Variants in NPAS3 observed in about 807,000 individuals in gnomAD.
NPAS3 encodes neuronal PAS domain-containing protein 3.
In NPAS3, 14 loss-of-function variants were observed where a neutral mutation model predicts 73.1. The observed-to-expected ratio is 0.19, with a 90% CI of 0.13 to 0.30. NPAS3 has a LOEUF of 0.30. NPAS3 is among the 10% of genes least tolerant of loss of function. The pLI is 1.00. For synonymous variants in NPAS3, 620 were observed against 541.5 expected, an observed-to-expected ratio of 1.14 and a Z score of -2.01; for missense variants, 1,096 against 1,250.0, an observed-to-expected ratio of 0.88 and a Z score of 1.86.
chr14:33,353,861 T>G (rs118100075), intron 3 of NPAS3, among the ~76,000 whole-genome samples: 2 of 152,096 alleles, frequency 1.3e-5, no homozygotes, highest in East Asian at 3.9e-4. Flanking sequence ...TGGGTTTAGA[T>G]ATATTCAGGC....
chr14:33,547,208 AC>A, intron 4 of NPAS3, among the ~76,000 whole-genome samples: 1 of 152,284 alleles, frequency 6.6e-6, no homozygotes, highest in South Asian at 2.1e-4. Context: ...AGGGGAAGTC[AC>A]TTTTCAGGCT....
chr14:33,565,526 C>A (rs983232911), intron 5 of NPAS3, among the ~76,000 whole-genome samples: 9 of 152,058 alleles, frequency 5.9e-5, no homozygotes, highest in Admixed American at 5.9e-4. Context: ...CTCTTCCATT[C>A]TGTGTTTTTC....
intron 5 of NPAS3, among the ~76,000 whole-genome samples, chr14:33,602,640 C>T (rs1297031616): frequency 6.6e-6 from 1 of 151,952 alleles, no homozygotes; most frequent in African/African-American, 2.4e-5. Flanking sequence ...TTTTTTTCAT[C>T]CAGTGCTTAA....
chr14:33,031,903 G>C (rs544712309), intron 1 of NPAS3, among the ~76,000 whole-genome samples: 1 of 152,168 alleles, frequency 6.6e-6, no homozygotes, highest in African/African-American at 2.4e-5. Flanking sequence ...CTCACAGAGC[G>C]GAATGTAATA....
chr14:33,508,367 G>A (rs967814828), intron 4 of NPAS3, among the ~76,000 whole-genome samples: 12 of 152,018 alleles, frequency 7.9e-5, no homozygotes, highest in African/African-American at 2.7e-4. Flanking sequence ...TCAGCACTAT[G>A]AAGCAGTGAA....
chr14:32,998,922 T>C (rs1481943659), intron 1 of NPAS3, among the ~76,000 whole-genome samples: 2 of 152,128 alleles, frequency 1.3e-5, no homozygotes, highest in Non-Finnish European at 2.9e-5. Flanking sequence ...TCAAAGCCCC[T>C]TCGCACTGTG....
chr14:33,087,509 T>A (rs1480487985), intron 2 of NPAS3, among the ~76,000 whole-genome samples: 1 of 152,042 alleles, frequency 6.6e-6, no homozygotes, highest in African/African-American at 2.4e-5. Context: ...CTATAAAAAA[T>A]AGATTCATGT....
intron 3 of NPAS3, among the ~76,000 whole-genome samples, chr14:33,272,568 C>T (rs2041143255): frequency 6.6e-6 from 1 of 152,072 alleles, no homozygotes; most frequent in Admixed American, 6.6e-5. Context: ...AGGTGTGCAC[C>T]ACCATGCCCA....
chr14:33,151,250 CCTTCTGAGG>C (rs796096982), intron 2 of NPAS3, among the ~76,000 whole-genome samples: 3 of 152,292 alleles, frequency 2.0e-5, no homozygotes, highest in African/African-American at 7.2e-5. Flanking sequence ...CACAAGGAGG[CCTTCTGAGG>C]CCTCGGTTGC....
chr14:33,769,764 T>C (rs1398952833), intron 7 of NPAS3, among the ~76,000 whole-genome samples: 10 of 130,328 alleles, frequency 7.7e-5, no homozygotes, highest in East Asian at 2.3e-4. Context: ...TTCTTTTTTT[T>C]TTTTTTTTTT....
intron 3 of NPAS3, among the ~76,000 whole-genome samples, chr14:33,305,719 A>ACC (rs1459290055): frequency 2.0e-5 from 3 of 152,184 alleles, no homozygotes; most frequent in Admixed American, 6.5e-5. Context: ...TAAATAGTCT[A>ACC]CCAAAGGTTA....
intron 4 of NPAS3, among the ~76,000 whole-genome samples, chr14:33,464,786 T>C (rs904160494): frequency 1.3e-5 from 2 of 152,208 alleles, no homozygotes; most frequent in African/African-American, 2.4e-5. Flanking sequence ...TCCTGTATGA[T>C]GCCAAGTGCA....
At chr14:33,270,080 G>A (rs2041000316) in intron 3 of NPAS3, among the ~76,000 whole-genome samples, 1 of 152,078 alleles carries the variant, frequency 6.6e-6, no homozygotes, top group African/African-American at 2.4e-5. Flanking sequence ...GGGGAGCTCT[G>A]GAGCAGAAAC....
chr14:33,095,931 T>C (rs546618266), intron 2 of NPAS3, among the ~76,000 whole-genome samples: 5 of 151,740 alleles, frequency 3.3e-5, no homozygotes, highest in African/African-American at 1.2e-4. Flanking sequence ...TTCGCCCGCC[T>C]TGGCCTCCCA....
intron 3 of NPAS3, among the ~76,000 whole-genome samples, chr14:33,217,657 A>G (rs2139689348): frequency 6.6e-6 from 1 of 152,332 alleles, no homozygotes; most frequent in South Asian, 2.1e-4. Context: ...CATGGCTACC[A>G]AAGTAGAAAA....
upstream of NPAS3, among the ~76,000 whole-genome samples, chr14:32,935,741 T>A (rs1271479988): frequency 6.6e-6 from 1 of 152,230 alleles, no homozygotes; most frequent in Non-Finnish European, 1.5e-5. Flanking sequence ...GTAATTTGAT[T>A]CAATAAGGAA....
At chr14:33,266,506 A>G (rs1392679172) in intron 3 of NPAS3, among the ~76,000 whole-genome samples, 3 of 152,204 alleles carry the variant, frequency 2.0e-5, no homozygotes, top group African/African-American at 4.8e-5. Context: ...TGCTTCAGGA[A>G]CTTACATAGA....
chr14:33,781,474 A>G (rs1566534618), intron 9 of NPAS3, among the ~76,000 whole-genome samples: 1 of 152,252 alleles, frequency 6.6e-6, no homozygotes, highest in Non-Finnish European at 1.5e-5. Context: ...AAAGGCAAAA[A>G]GCCAGCACAG....
rs745480154 is a variant in NPAS3, at chr14:33,257,220, G to T, written c.385+41794G>T. On this transcript the variant is annotated intron_variant, in intron 3 of 11. Coordinates refer to ENST00000356141, the Ensembl canonical transcript of NPAS3. ...ATGGTGCCAGGCATGAATGCCATTG[G>T]CTTCCTGCTTGCATGTCTGTGGGTA... 1.1e-3 allele frequency among the ~76,000 whole-genome samples: 173 copies of T among 152,280 alleles called. 1 individual carries two copies. Among genetic ancestry groups the T allele is most frequent in the Non-Finnish European group, 1.6e-3 (110 of 68,026 alleles).
Sources: gnomAD v4.1 joint callset for allele counts (sites outside exome capture counted in the v4.1 genomes callset) on GRCh38, gnomAD v4.1.1 for gene constraint, MANE v1.5 for transcripts, NCBI Gene and HGNC (gene_info 2026-07-23, HGNC 2026-07-21) for gene names.